SNX18: variants seen among roughly 807,000 people sequenced by gnomAD.
The protein encoded by SNX18 is sorting nexin-18.
In SNX18, 35 loss-of-function variants were observed where a neutral mutation model predicts 48.7. That is an observed-to-expected ratio of 0.72 (90% confidence interval 0.55 to 0.95). SNX18 has a LOEUF of 0.95. Among genes scored for constraint, SNX18 ranks in the 40% least tolerant of loss-of-function variants. The probability of loss-of-function intolerance (pLI) is 0.00; values close to 1 mark genes in which losing one functional copy is unlikely to be tolerated. For synonymous variants in SNX18, 492 were observed against 384.7 expected, an observed-to-expected ratio of 1.28 and a Z score of -3.26; for missense variants, 824 against 871.0, an observed-to-expected ratio of 0.95 and a Z score of 0.68.
the SNX18 span, among the ~76,000 whole-genome samples, chr5:54,607,717 G>C: frequency 6.6e-6 from 1 of 152,142 alleles, no homozygotes; most frequent in African/African-American, 2.4e-5. Flanking sequence ...CGGATCACTT[G>C]ATGTCGGGAG....
the SNX18 span, among the ~76,000 whole-genome samples, chr5:54,568,573 G>A: frequency 6.6e-6 from 1 of 152,136 alleles, no homozygotes; most frequent in Admixed American, 6.5e-5. Flanking sequence ...TTCGAGCTCT[G>A]GCCTGGCCAC....
the SNX18 span, among the ~76,000 whole-genome samples, chr5:54,631,987 C>T: frequency 2.0e-5 from 3 of 152,206 alleles, no homozygotes; most frequent in Non-Finnish European, 4.4e-5. Flanking sequence ...ACTCCCACCC[C>T]CTGCACCTCT....
chr5:54,612,509 G>A, the SNX18 span, among the ~76,000 whole-genome samples: 12,300 of 151,884 alleles, frequency 0.081, 1,101 homozygotes, highest in African/African-American at 0.22. Context: ...ATGATCTGCC[G>A]GTCTCGGCCT....
chr5:54,611,062 C>G, the SNX18 span, among the ~76,000 whole-genome samples: 2 of 152,160 alleles, frequency 1.3e-5, no homozygotes, highest in Non-Finnish European at 2.9e-5. Flanking sequence ...TTCATTCAAC[C>G]TCTGCTTTTT....
intron 1 of SNX18, among the ~76,000 whole-genome samples, chr5:54,541,890 A>AG (rs1762477569): frequency 1.3e-5 from 2 of 152,216 alleles, no homozygotes; most frequent in Non-Finnish European, 2.9e-5. Context: ...ATTTAGAAAT[A>AG]GGGCATCTTC....
Position 54,518,330 on chromosome 5 carries a change from C to T in SNX18, c.378C>T (p.Phe126=). 6.5e-7 allele frequency: 1 copy of T among 1,548,400 alleles called. No homozygotes were observed. The highest frequency in any genetic ancestry group is 1.2e-5 in the South Asian group (1 of 83,966). The change falls in exon 1 of 2, where the codon TTC becomes TTT. Residue 126 remains phenylalanine, a synonymous_variant. Transcript: ENST00000381410. The part of the protein sequence containing the change: ...PSTFQPPGAG[F]PYGGGALQPS... Reference sequence around the variant, plus strand: ...CCTTCCAGCCGCCCGGCGCGGGCTTCCCGTACGGCGGGGGCGCCCTGCAGC... The same window carrying T: ...CCTTCCAGCCGCCCGGCGCGGGCTTTCCGTACGGCGGGGGCGCCCTGCAGC...
the SNX18 span, among the ~76,000 whole-genome samples, chr5:54,631,118 T>C: frequency 2.0e-5 from 3 of 152,212 alleles, no homozygotes; most frequent in Non-Finnish European, 2.9e-5. Flanking sequence ...GCCATTTCAA[T>C]GACATAATAC....
chr5:54,580,479 T>G, the SNX18 span, among the ~76,000 whole-genome samples: 1 of 152,224 alleles, frequency 6.6e-6, no homozygotes, highest in Non-Finnish European at 1.5e-5. Context: ...CAAGAAGTTC[T>G]AGCCCTAAGT....
intron 1 of SNX18, among the ~76,000 whole-genome samples, chr5:54,534,582 T>TA (rs1222120711): frequency 6.6e-6 from 1 of 152,026 alleles, no homozygotes; most frequent in African/African-American, 2.4e-5. Context: ...TTCTTTTTTT[T>TA]TCCCCCTGTC....
the SNX18 span, among the ~76,000 whole-genome samples, chr5:54,587,196 C>A: frequency 1.3e-5 from 2 of 152,144 alleles, no homozygotes; most frequent in East Asian, 3.9e-4. Flanking sequence ...ATTTTGAGTA[C>A]CCTAGTCCAT....
chr5:54,527,877 T>C (rs1580098515), intron 1 of SNX18, among the ~76,000 whole-genome samples: 1 of 152,320 alleles, frequency 6.6e-6, no homozygotes, highest in East Asian at 1.9e-4. Flanking sequence ...TGTTTTTCCA[T>C]TTATATGATG....
chr5:54,592,753 T>G, the SNX18 span, among the ~76,000 whole-genome samples: 1 of 152,178 alleles, frequency 6.6e-6, no homozygotes, highest in African/African-American at 2.4e-5. Flanking sequence ...TGACGTGGGT[T>G]TGTTCTCATT....
the SNX18 span, among the ~76,000 whole-genome samples, chr5:54,646,303 A>G: frequency 6.6e-6 from 1 of 152,092 alleles, no homozygotes; most frequent in Admixed American, 6.5e-5. Context: ...TTTCTGAAAC[A>G]CTCTGCTAGG....
At chr5:54,599,745 C>G in the SNX18 span, among the ~76,000 whole-genome samples, 1 of 152,074 alleles carries the variant, frequency 6.6e-6, no homozygotes. Context: ...AAAGGACTTC[C>G]TATTCAAAAA....
chr5:54,635,287 TCTTA>T, the SNX18 span, among the ~76,000 whole-genome samples: 1 of 151,722 alleles, frequency 6.6e-6, no homozygotes, highest in East Asian at 1.9e-4. Context: ...CGTTTTCCTT[TCTTA>T]GTCTTTAGCA....
chr5:54,612,726 T>G, the SNX18 span, among the ~76,000 whole-genome samples: 29 of 152,104 alleles, frequency 1.9e-4, no homozygotes, highest in African/African-American at 6.0e-4. Flanking sequence ...CCCTTTTCCT[T>G]CTCCACTGTC....
At chr5:54,561,298 C>T in the SNX18 span, among the ~76,000 whole-genome samples, 1 of 152,154 alleles carries the variant, frequency 6.6e-6, no homozygotes, top group African/African-American at 2.4e-5. Flanking sequence ...GCCTCAGCCT[C>T]CCAAAGTGCT....
the SNX18 span, among the ~76,000 whole-genome samples, chr5:54,606,920 A>G: frequency 1.3e-5 from 2 of 152,126 alleles, no homozygotes; most frequent in African/African-American, 4.8e-5. Flanking sequence ...GACAGTTCCA[A>G]CATCACAAGG....
chr5:54,644,701 C>T, the SNX18 span: 1 of 152,204 alleles, frequency 6.6e-6, no homozygotes, highest in East Asian at 1.9e-4. Context: ...GGTGTGTCCT[C>T]CTCTCTACTG....
Sources: allele counts gnomAD v4.1 joint callset (sites outside exome capture counted in the v4.1 genomes callset), GRCh38; gene constraint gnomAD v4.1.1; transcripts MANE v1.5; gene names NCBI Gene and HGNC (gene_info 2026-07-23, HGNC 2026-07-21).